Variants in MS4A5 observed in about 807,000 individuals in gnomAD.
MS4A5 encodes membrane spanning 4-domains A5, also known as membrane-spanning 4-domains subfamily A member 5.
Under a neutral mutation model 18.2 loss-of-function variants are expected in MS4A5, and 15 were observed. That is an observed-to-expected ratio of 0.83 (90% CI 0.55 to 1.27). The LOEUF is 1.27. Among genes scored for constraint, MS4A5 ranks in the 50% most tolerant of loss-of-function variants. MS4A5 has a pLI of 0.00. For synonymous variants in MS4A5, 89 were observed against 78.7 expected (o/e 1.13, Z -0.69); for missense variants, 232 against 225.7 (o/e 1.03, Z -0.18).
intron 4 of MS4A5, among the ~76,000 whole-genome samples, chr11:60,437,898 G>C (rs1266879018): frequency 5.9e-5 from 9 of 151,594 alleles, no homozygotes; most frequent in Non-Finnish European, 1.3e-4. Flanking sequence ...CCCAGGAATT[G>C]AACTCAGCTC....
intron 1 of MS4A5, 133 bp from the exon 2 acceptor site, chr11:60,430,663 G>T (rs2282524): frequency 1.0e-6 from 1 of 970,814 alleles, no homozygotes; most frequent in Non-Finnish European, 1.6e-6. Flanking sequence ...ATCATAAAGG[G>T]ACTTCTATTA....
At chr11:60,430,656 A>G in intron 1 of MS4A5, 140 bp from the exon 2 acceptor site, 1 of 926,378 alleles carries the variant, frequency 1.1e-6, no homozygotes, top group South Asian at 1.5e-5. Context: ...CAGGAGCATC[A>G]TAAAGGGACT....
At chr11:60,444,719 C>A (rs1018559391) in intron 4 of MS4A5, among the ~76,000 whole-genome samples, 2 of 152,130 alleles carry the variant, frequency 1.3e-5, no homozygotes, top group South Asian at 4.1e-4. Context: ...AGACACTACT[C>A]CACACACACC....
At chr11:60,445,803 A>C (rs1027695975) in intron 4 of MS4A5, among the ~76,000 whole-genome samples, 2 of 152,220 alleles carry the variant, frequency 1.3e-5, no homozygotes, top group African/African-American at 4.8e-5. Flanking sequence ...ATGTCAATTA[A>C]TTTAACAATG....
In MS4A5 at chr11:60,441,377, A is replaced by G. The variant is rs1184960562; in HGVS notation, c.493-6272A>G. Reference sequence around the variant, plus strand: ...GCACCAGCATGGCACATGTATACATATGTAACTAACCTGCACAATGTGCAC... The same window carrying G: ...GCACCAGCATGGCACATGTATACATGTGTAACTAACCTGCACAATGTGCAC... On this transcript the variant is annotated intron_variant, in intron 4 of 4. Coordinates refer to ENST00000300190, the MANE Select transcript of MS4A5 (RefSeq NM_023945.3). Among the ~76,000 whole-genome samples the G allele has an allele frequency of 2.5e-5, 3 of 118,564 alleles. No homozygotes were observed. In the East Asian group the frequency reaches 7.1e-4, roughly 28 times the overall value. 77.8% of individuals were successfully genotyped at this position (118,564 alleles called of 152,430 possible).
intron 4 of MS4A5, among the ~76,000 whole-genome samples, chr11:60,436,986 G>T (rs9735264): frequency 1 from 131,601 of 131,672 alleles, 65,773 homozygotes; most frequent in Middle Eastern, 1. Context: ...TCACCAAAGT[G>T]GAAATGAAGG....
At chr11:60,446,689 T>C (rs2135181662) in intron 4 of MS4A5, among the ~76,000 whole-genome samples, 1 of 150,776 alleles carries the variant, frequency 6.6e-6, no homozygotes, top group Non-Finnish European at 1.5e-5. Flanking sequence ...GCCGAGATCC[T>C]GCCATTGTAC....
chr11:60,435,360 G>C, intron 4 of MS4A5: 1 of 439,724 alleles, frequency 2.3e-6, no homozygotes, highest in South Asian at 1.7e-5. Flanking sequence ...CTGATACTAA[G>C]TATATTAGAA....
In MS4A5 at chr11:60,446,761, C is replaced by G. The variant is rs193008610; in HGVS notation, c.493-888C>G. On this transcript the variant is annotated intron_variant, in intron 4 of 4. Coordinates refer to ENST00000300190, the MANE Select transcript of MS4A5 (RefSeq NM_023945.3). ...AAAAAAAAAAAAGACAAAAAAGAAACCAAAAAAACGGTGAACTACTAGCGT... is the reference window on the plus strand; with the variant it reads ...AAAAAAAAAAAAGACAAAAAAGAAAGCAAAAAAACGGTGAACTACTAGCGT... Among the ~76,000 whole-genome samples, 773 of 151,384 alleles carry G rather than the reference C, an allele frequency of 5.1e-3. 6 individuals are homozygous for G. The highest frequency in any genetic ancestry group is 7.6e-3 in the Admixed American group (116 of 15,186).
At chr11:60,432,038 C>T (rs1357314277) in intron 2 of MS4A5, among the ~76,000 whole-genome samples, 1 of 152,100 alleles carries the variant, frequency 6.6e-6, no homozygotes, top group Non-Finnish European at 1.5e-5. Context: ...CAAGAGAACA[C>T]ACTGGATTGC....
At chr11:60,442,778 T>C (rs1427562985) in intron 4 of MS4A5, among the ~76,000 whole-genome samples, 1 of 152,224 alleles carries the variant, frequency 6.6e-6, no homozygotes, top group Non-Finnish European at 1.5e-5. Flanking sequence ...TAGAATTACA[T>C]CTTTAAAGTG....
chr11:60,440,370 G>C (rs1209394979), intron 4 of MS4A5, among the ~76,000 whole-genome samples: 1 of 126,398 alleles, frequency 7.9e-6, no homozygotes, highest in Non-Finnish European at 1.7e-5. Flanking sequence ...GCATGGGCAA[G>C]GACTTCATGT....
chr11:60,444,164 A>T (rs566834101), intron 4 of MS4A5, among the ~76,000 whole-genome samples: 60 of 152,320 alleles, frequency 3.9e-4, no homozygotes, highest in African/African-American at 1.4e-3. Flanking sequence ...AAATATTTAA[A>T]AATTACGGGT....
At chr11:60,436,353 T>C (rs1207098700) in intron 4 of MS4A5, among the ~76,000 whole-genome samples, 1 of 139,488 alleles carries the variant, frequency 7.2e-6, no homozygotes, top group African/African-American at 2.5e-5. Context: ...CTGGAAACTC[T>C]AAAAAGCAGA....
chr11:60,436,556 C>T lies in MS4A5; in HGVS notation c.492+2639C>T, dbSNP rs1013727649. ...TTAGAAGAATGTATAACTAGAATAA[C>T]CAATACAGAGAAGTGCTTAAAGGAG... On this transcript the variant is annotated intron_variant, in intron 4 of 4. Transcript: ENST00000300190. Among the ~76,000 whole-genome samples the T allele has an allele frequency of 9.7e-5, 13 of 133,804 alleles. 1 individual carries two copies. The highest frequency in any genetic ancestry group is 2.0e-4 in the Non-Finnish European group (12 of 59,104). The allele number at this position is 133,804 out of a possible 152,430, so 87.8% of individuals were successfully genotyped here.
chr11:60,433,739 A>T (rs778099697), intron 3 of MS4A5, 26 bp from the exon 4 acceptor site: 8 of 1,610,400 alleles, frequency 5.0e-6, no homozygotes, highest in Middle Eastern at 1.7e-4. Context: ...CCTCAGTCAC[A>T]TTGTTATGTT....
At chr11:60,434,264 T>A in intron 4 of MS4A5, among the ~76,000 whole-genome samples, 1 of 152,162 alleles carries the variant, frequency 6.6e-6, no homozygotes, top group Non-Finnish European at 1.5e-5. Flanking sequence ...TTTTTACAGT[T>A]CTTGATTTGG....
Position 60,430,909 on chromosome 11 carries a change from C to A in MS4A5, c.267C>A (p.Phe89Leu). 2 of 1,612,476 alleles carry A rather than the reference C, an allele frequency of 1.2e-6. No homozygotes were observed. The highest frequency in any genetic ancestry group is 1.7e-6 in the Non-Finnish European group (2 of 1,179,790). Residue 89 changes from phenylalanine to leucine, a missense_variant, in exon 2 of 5, where the codon TTC becomes TTA. Physicochemically the swap from Phe to Leu is conservative, Grantham distance 22. Transcript: ENST00000300190. ...FPFIFLSGYP[F>L]WGSVLFINSG... ...TTATATTTCTTTCAGGATATCCATT[C>A]TGGGGCTCTGTTTTGGTGAGTATAG... is the stretch of plus-strand genomic sequence containing the variant.
chr11:60,440,753 C>G, intron 4 of MS4A5, among the ~76,000 whole-genome samples: 1 of 117,224 alleles, frequency 8.5e-6, no homozygotes, highest in Non-Finnish European at 1.8e-5. Flanking sequence ...GTTAGAATGG[C>G]AATCATTAAA....
Sources: allele counts gnomAD v4.1 joint callset (sites outside exome capture counted in the v4.1 genomes callset), GRCh38; gene constraint gnomAD v4.1.1; transcripts MANE v1.5; gene names NCBI Gene and HGNC (gene_info 2026-07-23, HGNC 2026-07-21).